SLC6A5: variants seen among roughly 807,000 people sequenced by gnomAD.
The protein encoded by SLC6A5 is sodium- and chloride-dependent glycine transporter 2.
Under a neutral mutation model 90.5 loss-of-function variants are expected in SLC6A5, and 58 were observed. The ratio of observed to expected loss-of-function variants is 0.64; its 90% CI spans 0.52 to 0.80. The LOEUF is 0.80. Among genes scored for constraint, SLC6A5 ranks in the 30% least tolerant of loss-of-function variants. The pLI, the probability that SLC6A5 is intolerant of heterozygous loss-of-function variation, is 0.00. For missense variants in SLC6A5, 1,015 were observed against 1,017.6 expected (o/e 1.00, Z 0.03); for synonymous variants, 427 against 401.4 (o/e 1.06, Z -0.76).
At position 20,628,941 on chromosome 11, in the gene SLC6A5, C is replaced by T. The variant is rs568421703; in HGVS notation, c.1499+858C>T. Reference sequence around the variant, plus strand: ...GTGGATCATTTGCTGCACACTTGCTCTGTGCTAGGCGGTGCATAGTACAGG... The same window carrying T: ...GTGGATCATTTGCTGCACACTTGCTTTGTGCTAGGCGGTGCATAGTACAGG... On this transcript the variant is annotated intron_variant, in intron 9 of 15. Transcript: ENST00000525748. Among the ~76,000 whole-genome samples, 3 of 152,300 alleles carry T rather than the reference C, an allele frequency of 2.0e-5. No individual in the cohort carries two copies. In the East Asian group the frequency reaches 5.8e-4, roughly 29 times the overall value.
chr11:20,619,058 A>C (rs1436503396), intron 7 of SLC6A5, among the ~76,000 whole-genome samples: 1 of 152,154 alleles, frequency 6.6e-6, no homozygotes, highest in African/African-American at 2.4e-5. Flanking sequence ...AGGTATTTGC[A>C]TGTTTTAGGA....
intron 13 of SLC6A5, among the ~76,000 whole-genome samples, chr11:20,644,658 G>A (rs997830364): frequency 2.6e-5 from 4 of 152,168 alleles, no homozygotes; most frequent in Admixed American, 6.5e-5. Context: ...CATAGTGACT[G>A]TACTAATTTA....
chr11:20,611,483 G>T (rs1425313128), intron 5 of SLC6A5, among the ~76,000 whole-genome samples: 6 of 152,106 alleles, frequency 3.9e-5, no homozygotes, highest in Non-Finnish European at 8.8e-5. Context: ...ATGAAAAAAG[G>T]TTCCCACAGA....
At chr11:20,631,354 G>T (rs773494508) in intron 10 of SLC6A5, among the ~76,000 whole-genome samples, 41 of 152,168 alleles carry the variant, frequency 2.7e-4, no homozygotes, top group Non-Finnish European at 3.5e-4. Context: ...TTTTTCCCCA[G>T]TGGGTAGAAA....
intron 13 of SLC6A5, among the ~76,000 whole-genome samples, chr11:20,639,646 A>T (rs1240132176): frequency 2.0e-5 from 3 of 152,116 alleles, no homozygotes; most frequent in Non-Finnish European, 4.4e-5. Context: ...GTTAGCCTCC[A>T]CCGAAGAGGT....
chr11:20,606,523 C>T (rs920545948), intron 3 of SLC6A5, among the ~76,000 whole-genome samples: 3 of 152,056 alleles, frequency 2.0e-5, no homozygotes, highest in Admixed American at 1.3e-4. Context: ...GCCTGCCCAA[C>T]CCTGGTTGGC....
At chr11:20,633,095 C>T (rs1032920197) in intron 10 of SLC6A5, among the ~76,000 whole-genome samples, 2 of 152,086 alleles carry the variant, frequency 1.3e-5, no homozygotes, top group Non-Finnish European at 2.9e-5. Context: ...GGAAAGTTAG[C>T]CCTTCAGAGC....
intron 3 of SLC6A5, among the ~76,000 whole-genome samples, chr11:20,605,217 G>A (rs183357779): frequency 1.3e-5 from 2 of 152,266 alleles, no homozygotes; most frequent in Admixed American, 6.5e-5. Context: ...TGAACCTAGA[G>A]CCCCGTCCCA....
chr11:20,605,856 C>A (rs1357694834), intron 3 of SLC6A5, among the ~76,000 whole-genome samples: 1 of 152,212 alleles, frequency 6.6e-6, no homozygotes, highest in African/African-American at 2.4e-5. Flanking sequence ...CTGCACAATC[C>A]CTGTCTTGAG....
chr11:20,615,932 G>A (rs1208295226), intron 6 of SLC6A5, among the ~76,000 whole-genome samples: 1 of 152,250 alleles, frequency 6.6e-6, no homozygotes, highest in Non-Finnish European at 1.5e-5. Flanking sequence ...ATGTGGGGCA[G>A]TGATGCCAGA....
At chr11:20,647,699 A>T (rs1301630999) in intron 14 of SLC6A5, among the ~76,000 whole-genome samples, 1 of 152,052 alleles carries the variant, frequency 6.6e-6, no homozygotes, top group Non-Finnish European at 1.5e-5. Context: ...CACTTTACAG[A>T]TGAGGAAACG....
intron 8 of SLC6A5, 143 bp from the exon 9 acceptor site, chr11:20,627,837 G>A (rs927540609): frequency 2.9e-6 from 2 of 698,524 alleles, no homozygotes; most frequent in African/African-American, 1.8e-5. Context: ...AGTGATTTAT[G>A]TTCTCATTGA....
intron 14 of SLC6A5, 42 bp downstream of exon 14, chr11:20,646,976 A>G: frequency 8.0e-7 from 1 of 1,246,018 alleles, no homozygotes; most frequent in South Asian, 1.2e-5. Flanking sequence ...AGCACCTTGC[A>G]TACGTATGTG....
chr11:20,614,910 GC>G, intron 6 of SLC6A5, 90 bp downstream of exon 6: 3 of 1,270,500 alleles, frequency 2.4e-6, no homozygotes, highest in Non-Finnish European at 3.4e-6. Flanking sequence ...GGTGTGGGTA[GC>G]CCAAGGGATG....
chr11:20,637,449 G>A lies in SLC6A5; in HGVS notation c.1869+146G>A, dbSNP rs1480517160. 54 of 735,538 alleles carry A rather than the reference G, an allele frequency of 7.3e-5. 1 individual carries two copies. The South Asian group carries it at 7.9e-4, about 11-fold the overall frequency. 45.6% of individuals were successfully genotyped at this position (735,538 alleles called of 1,614,324 possible). A position where few individuals can be genotyped will look rare whatever the true frequency, so the allele number is the denominator to read the frequency against. ...CATGTAGATGGCACCAGTTCATTAG[G>A]GATTCTGACTGCAGAGGGAAATATG... On this transcript the variant is annotated intron_variant, in intron 12 of 15. Transcript: ENST00000525748.
At chr11:20,621,443 A>G (rs985201007) in intron 7 of SLC6A5, among the ~76,000 whole-genome samples, 2 of 152,328 alleles carry the variant, frequency 1.3e-5, no homozygotes, top group East Asian at 3.9e-4. Context: ...GATAGATTTT[A>G]TAGGCTTTCT....
At position 20,630,724 on chromosome 11, in the gene SLC6A5, C is replaced by T. The variant is rs368623393; in HGVS notation, c.1533C>T (p.Ala511=). ...DTLIVTCTNS[A]TSIFAGFVIF... Reference sequence around the variant, plus strand: ...TAATTGTCACCTGCACCAACAGTGCCACAAGCATCTTTGCCGGCTTCGTCA... The same window carrying T: ...TAATTGTCACCTGCACCAACAGTGCTACAAGCATCTTTGCCGGCTTCGTCA... The change falls in exon 10 of 16, where the codon GCC becomes GCT. Residue 511 remains alanine, a synonymous_variant. Transcript: ENST00000525748. The T allele has an allele frequency of 8.7e-6, 14 of 1,614,102 alleles. No homozygotes were observed. The African/African-American group carries it at 1.1e-4, about 12-fold the overall frequency.
At chr11:20,605,222 G>A (rs1182972084) in intron 3 of SLC6A5, among the ~76,000 whole-genome samples, 4 of 152,140 alleles carry the variant, frequency 2.6e-5, no homozygotes, top group Non-Finnish European at 5.9e-5. Flanking sequence ...CTAGAGCCCC[G>A]TCCCACATCT....
In SLC6A5 at chr11:20,656,165, A is replaced by G. The variant is rs1447816141; in HGVS notation, c.*1297A>G. On this transcript the variant is annotated 3_prime_UTR_variant, in exon 16 of 16. Coordinates refer to ENST00000525748, the MANE Select transcript of SLC6A5 (RefSeq NM_004211.5). ...AAATTGGCAAAGTGTAAACTTTATTATCTTCTTGTATCCTGAACATGCATA... is the reference window on the plus strand; with the variant it reads ...AAATTGGCAAAGTGTAAACTTTATTGTCTTCTTGTATCCTGAACATGCATA... The G allele has an allele frequency of 1.3e-5, 2 of 152,212 alleles. No individual in the cohort carries two copies. Among genetic ancestry groups the G allele is most frequent in the Non-Finnish European group, 2.9e-5 (2 of 68,034 alleles). 9.4% of individuals were successfully genotyped at this position (152,212 alleles called of 1,614,324 possible).
Sources: gnomAD v4.1 joint callset for allele counts (sites outside exome capture counted in the v4.1 genomes callset) on GRCh38, gnomAD v4.1.1 for gene constraint, MANE v1.5 for transcripts, NCBI Gene and HGNC (gene_info 2026-07-23, HGNC 2026-07-21) for gene names.